The following PRMT3 variants were observed in gnomAD, a reference collection of about 807,000 sequenced individuals.
The protein encoded by PRMT3 is protein arginine N-methyltransferase 3.
In PRMT3, 62 loss-of-function variants were observed where a neutral mutation model predicts 71.9. The ratio of observed to expected loss-of-function variants is 0.86; its 90% CI spans 0.70 to 1.07. The LOEUF (loss-of-function observed/expected upper bound fraction) is 1.07, where lower values mean the gene tolerates loss of function less well. Among genes scored for constraint, PRMT3 ranks in the 50% least tolerant of loss-of-function variants. The pLI, the probability that PRMT3 is intolerant of heterozygous loss-of-function variation, is 0.00. For synonymous variants in PRMT3, 213 were observed against 220.4 expected (o/e 0.97, Z 0.30); for missense variants, 663 against 643.0 (o/e 1.03, Z -0.34).
At chr11:20,463,878 C>T (rs973421896) in intron 12 of PRMT3, among the ~76,000 whole-genome samples, 1 of 98,430 alleles carries the variant, frequency 1.0e-5, no homozygotes, top group South Asian at 4.7e-4. Flanking sequence ...AAAGATATTT[C>T]GCTATTTTTT....
rs999548455 is a variant in PRMT3, at chr11:20,462,287, A to G, written c.1260+120A>G. 96 of 786,906 alleles carry G rather than the reference A, an allele frequency of 1.2e-4. No individual in the cohort carries two copies. The African/African-American group carries it at 1.6e-3, about 13-fold the overall frequency. 48.7% of individuals were successfully genotyped at this position (786,906 alleles called of 1,614,324 possible). ...TCAAAACAGTACTTTTCCCATTGTA[A>G]TCAGTCTAAAACAAATTGAGGTCAT... On this transcript the variant is annotated intron_variant, in intron 12 of 15. Transcript: ENST00000331079.
chr11:20,470,578 G>A (rs1405372729), intron 13 of PRMT3, among the ~76,000 whole-genome samples: 1 of 152,038 alleles, frequency 6.6e-6, no homozygotes, highest in Non-Finnish European at 1.5e-5. Context: ...TTCCTTTTTA[G>A]GGCTGCATAG....
intron 15 of PRMT3, among the ~76,000 whole-genome samples, chr11:20,501,100 C>T (rs528433046): frequency 1.3e-5 from 2 of 152,250 alleles, no homozygotes; most frequent in South Asian, 4.1e-4. Context: ...TGACCTCTTT[C>T]ACTTGATAAA....
At chr11:20,438,653 C>T (rs1045836866) in intron 10 of PRMT3, among the ~76,000 whole-genome samples, 1 of 152,104 alleles carries the variant, frequency 6.6e-6, no homozygotes, top group Non-Finnish European at 1.5e-5. Flanking sequence ...ACTGATTTCC[C>T]AGAGGGTGAT....
At chr11:20,416,171 A>G (rs577394283) in intron 9 of PRMT3, among the ~76,000 whole-genome samples, 2 of 151,142 alleles carry the variant, frequency 1.3e-5, no homozygotes, top group East Asian at 3.9e-4. Flanking sequence ...GCCTCCCACC[A>G]CTCTCTGTCA....
chr11:20,500,413 A>G (rs1851430537), intron 15 of PRMT3, among the ~76,000 whole-genome samples: 1 of 152,226 alleles, frequency 6.6e-6, no homozygotes, highest in African/African-American at 2.4e-5. Flanking sequence ...TAAAAGTTAT[A>G]TAGAAATCAA....
chr11:20,398,522 G>T (rs1024914451), intron 7 of PRMT3, among the ~76,000 whole-genome samples: 1 of 152,030 alleles, frequency 6.6e-6, no homozygotes, highest in Admixed American at 6.6e-5. Context: ...GTGCGATCTC[G>T]GCTCACTGCA....
chr11:20,426,298 C>T (rs990478953), intron 9 of PRMT3, among the ~76,000 whole-genome samples: 6 of 152,168 alleles, frequency 3.9e-5, no homozygotes, highest in African/African-American at 1.4e-4. Flanking sequence ...AGCACAGGCT[C>T]AACGAAATTA....
chr11:20,482,049 A>T (rs916395527), intron 13 of PRMT3, among the ~76,000 whole-genome samples: 6 of 152,020 alleles, frequency 3.9e-5, no homozygotes, highest in Non-Finnish European at 8.8e-5. Flanking sequence ...TCATATTTGA[A>T]CCTAGTCAGA....
intron 5 of PRMT3, among the ~76,000 whole-genome samples, 198 bp from the exon 6 acceptor site, chr11:20,395,605 G>A (rs1001206137): frequency 1.3e-5 from 2 of 151,794 alleles, no homozygotes; most frequent in Non-Finnish European, 2.9e-5. Flanking sequence ...TGCCTGCCTC[G>A]GCCTTCCAAA....
intron 5 of PRMT3, among the ~76,000 whole-genome samples, 189 bp from the exon 6 acceptor site, chr11:20,395,614 A>C (rs1057366548): frequency 1.3e-5 from 2 of 152,108 alleles, no homozygotes; most frequent in Non-Finnish European, 2.9e-5. Context: ...CGGCCTTCCA[A>C]AGTGCTGGGA....
chr11:20,419,682 G>C (rs1479035834), intron 9 of PRMT3, among the ~76,000 whole-genome samples: 1 of 151,698 alleles, frequency 6.6e-6, no homozygotes, highest in African/African-American at 2.4e-5. Context: ...TCCTTTTTTT[G>C]GTATTCTCTT....
intron 10 of PRMT3, among the ~76,000 whole-genome samples, chr11:20,429,340 G>A (rs906319064): frequency 4.9e-4 from 74 of 152,174 alleles, no homozygotes; most frequent in African/African-American, 1.7e-3. Context: ...GACAGGAGGC[G>A]GAGCTCAGGT....
intron 11 of PRMT3, among the ~76,000 whole-genome samples, chr11:20,460,458 A>T (rs1435978361): frequency 1.3e-5 from 2 of 152,060 alleles, no homozygotes; most frequent in Non-Finnish European, 2.9e-5. Context: ...TAACTCATGT[A>T]ACACTTACCT....
rs545196387 is a variant in PRMT3 at position 20,400,490 on chromosome 11, A to G, written c.706-2429A>G. Among the ~76,000 whole-genome samples, 3 of 152,288 alleles carry G rather than the reference A, an allele frequency of 2.0e-5. No individual in the cohort carries two copies. The South Asian group carries it at 6.2e-4, about 32-fold the overall frequency. Reference sequence around the variant, plus strand: ...GGCTAACACTATAAATCCGAAATGCATCGGTCTTCTTTGTTTTAAGATAAA... The same window carrying G: ...GGCTAACACTATAAATCCGAAATGCGTCGGTCTTCTTTGTTTTAAGATAAA... On this transcript the variant is annotated intron_variant, in intron 7 of 15. Coordinates refer to ENST00000331079, the MANE Select transcript of PRMT3 (RefSeq NM_005788.4).
At chr11:20,505,161 G>A (rs1230312273) in intron 15 of PRMT3, among the ~76,000 whole-genome samples, 1 of 152,146 alleles carries the variant, frequency 6.6e-6, no homozygotes, top group East Asian at 1.9e-4. Flanking sequence ...AATAGTTCTA[G>A]TAGCCTTCTT....
intron 13 of PRMT3, among the ~76,000 whole-genome samples, chr11:20,479,315 A>G (rs771270416): frequency 6.6e-6 from 1 of 152,170 alleles, no homozygotes; most frequent in African/African-American, 2.4e-5. Flanking sequence ...GCTGAGAGGT[A>G]TTGGGAATGT....
At position 20,401,880 on chromosome 11, in the gene PRMT3, A is replaced by G. The variant is rs991799875; in HGVS notation, c.706-1039A>G. On this transcript the variant is annotated intron_variant, in intron 7 of 15. Transcript: ENST00000331079. Reference sequence around the variant, plus strand: ...CTTATAATGTGGGCTGCAGGGCTCAAATGATTTACTTTTAGGCTTACAGGC... The same window carrying G: ...CTTATAATGTGGGCTGCAGGGCTCAGATGATTTACTTTTAGGCTTACAGGC... 2.0e-5 allele frequency among the ~76,000 whole-genome samples: 3 copies of G among 152,168 alleles called. No homozygotes were observed. In the East Asian group the frequency reaches 5.8e-4, roughly 29 times the overall value.
At chr11:20,452,921 ATCATCCATGT>A (rs1284780352) in intron 11 of PRMT3, among the ~76,000 whole-genome samples, 1 of 152,242 alleles carries the variant, frequency 6.6e-6, no homozygotes, top group Non-Finnish European at 1.5e-5. Context: ...TAGATGGAGC[ATCATCCATGT>A]TTATTGAATT....
Sources: gnomAD v4.1 joint callset for allele counts (sites outside exome capture counted in the v4.1 genomes callset) on GRCh38, gnomAD v4.1.1 for gene constraint, MANE v1.5 for transcripts, NCBI Gene and HGNC (gene_info 2026-07-23, HGNC 2026-07-21) for gene names.